TENM3: variants seen among roughly 807,000 people sequenced by gnomAD.
TENM3 encodes teneurin-3.
In TENM3, 63 loss-of-function variants were observed where a neutral mutation model predicts 255.1. That is an observed-to-expected ratio of 0.25 (90% CI 0.20 to 0.30). The LOEUF is 0.30. Ranked by LOEUF, TENM3 falls within the 10% of genes least tolerant of loss-of-function variation. The pLI is 1.00. For synonymous variants in TENM3, 1,306 were observed against 1,322.3 expected (o/e 0.99, Z 0.27); for missense variants, 2,929 against 3,461.1 (o/e 0.85, Z 3.86).
the TENM3 span, among the ~76,000 whole-genome samples, chr4:181,817,984 A>G: frequency 1.3e-5 from 2 of 152,204 alleles, no homozygotes; most frequent in Non-Finnish European, 2.9e-5. Context: ...TGGTCCTGAT[A>G]TCTGCTTTGG....
At chr4:182,113,463 C>A in the TENM3 span, among the ~76,000 whole-genome samples, 683 of 152,174 alleles carry the variant, frequency 4.5e-3, 3 homozygotes, top group Middle Eastern at 0.02. Flanking sequence ...TCCTTCTATC[C>A]TTCCTCTCTA....
chr4:181,995,593 C>T, the TENM3 span, among the ~76,000 whole-genome samples: 1 of 151,964 alleles, frequency 6.6e-6, no homozygotes, highest in South Asian at 2.1e-4. Flanking sequence ...AATGGTTGTC[C>T]TAAGCTTAAT....
At chr4:182,045,874 C>G in the TENM3 span, among the ~76,000 whole-genome samples, 2 of 151,968 alleles carry the variant, frequency 1.3e-5, no homozygotes, top group Non-Finnish European at 2.9e-5. Context: ...AGAGTGAAAC[C>G]TCATTTCTAC....
chr4:182,582,237 T>C (rs1745559502), intron 3 of TENM3, among the ~76,000 whole-genome samples: 1 of 152,168 alleles, frequency 6.6e-6, no homozygotes, highest in Non-Finnish European at 1.5e-5. Context: ...TACGAATACT[T>C]CCTCTTCATT....
chr4:182,661,395 A>T (rs950398906), intron 6 of TENM3, among the ~76,000 whole-genome samples: 2 of 152,034 alleles, frequency 1.3e-5, no homozygotes, highest in African/African-American at 4.8e-5. Context: ...AGACAACTCT[A>T]GAGAGTTCAG....
At chr4:182,100,001 A>T in the TENM3 span, among the ~76,000 whole-genome samples, 1 of 152,106 alleles carries the variant, frequency 6.6e-6, no homozygotes, top group Non-Finnish European at 1.5e-5. Context: ...AGTGGCTAAG[A>T]CGGTCAGTGT....
At chr4:182,444,932 C>T (rs551169118) in intron 3 of TENM3, among the ~76,000 whole-genome samples, 2 of 152,196 alleles carry the variant, frequency 1.3e-5, no homozygotes, top group South Asian at 2.1e-4. Flanking sequence ...CCTAGCCTCT[C>T]GAGTAGCTGG....
intron 3 of TENM3, among the ~76,000 whole-genome samples, chr4:182,441,579 C>T (rs1772492023): frequency 6.6e-6 from 1 of 152,176 alleles, no homozygotes; most frequent in Admixed American, 6.5e-5. Flanking sequence ...CTCACCACAA[C>T]CTCTGCCTCC....
At chr4:182,430,780 G>A (rs1010285076) in intron 3 of TENM3, among the ~76,000 whole-genome samples, 1 of 151,894 alleles carries the variant, frequency 6.6e-6, no homozygotes, top group Non-Finnish European at 1.5e-5. Flanking sequence ...CAGGAGCCGA[G>A]GCGGGCGGAT....
chr4:182,541,867 T>C (rs1164100999), intron 3 of TENM3, among the ~76,000 whole-genome samples: 4 of 151,800 alleles, frequency 2.6e-5, no homozygotes, highest in Admixed American at 2.6e-4. Context: ...AAGACCAGCC[T>C]GAGTAACATA....
At chr4:181,749,615 T>A in the TENM3 span, among the ~76,000 whole-genome samples, 1 of 152,174 alleles carries the variant, frequency 6.6e-6, no homozygotes, top group Non-Finnish European at 1.5e-5. Context: ...CAAAAGAAGA[T>A]TTCTTTTTAA....
chr4:181,714,809 A>G, the TENM3 span, among the ~76,000 whole-genome samples: 1 of 152,202 alleles, frequency 6.6e-6, no homozygotes, highest in African/African-American at 2.4e-5. Context: ...ATTGAGAACC[A>G]TCTATGCAAA....
At chr4:181,592,884 A>G in the TENM3 span, among the ~76,000 whole-genome samples, 1 of 152,176 alleles carries the variant, frequency 6.6e-6, no homozygotes, top group Non-Finnish European at 1.5e-5. Context: ...TTTTGCTGTT[A>G]ACACAGATGG....
At chr4:182,510,487 C>G (rs1737284257) in intron 3 of TENM3, among the ~76,000 whole-genome samples, 1 of 152,120 alleles carries the variant, frequency 6.6e-6, no homozygotes, top group Admixed American at 6.5e-5. Context: ...GGGTTAACCT[C>G]TAGAATTGAT....
At chr4:181,721,508 G>A in the TENM3 span, among the ~76,000 whole-genome samples, 1 of 116,058 alleles carries the variant, frequency 8.6e-6, no homozygotes, top group South Asian at 3.4e-4. Context: ...GCTGAGGCAG[G>A]AGAATGGCGT....
intron 3 of TENM3, among the ~76,000 whole-genome samples, chr4:182,545,772 G>C (rs1234440600): frequency 3.3e-5 from 5 of 151,968 alleles, no homozygotes; most frequent in African/African-American, 1.2e-4. Flanking sequence ...GCCCTATTTA[G>C]GTAGCCCACC....
the TENM3 span, among the ~76,000 whole-genome samples, chr4:181,763,453 A>G: frequency 6.6e-6 from 1 of 152,212 alleles, no homozygotes; most frequent in African/African-American, 2.4e-5. Context: ...ATCTGTTTTT[A>G]TATGGCCCAT....
At position 182,801,825 on chromosome 4, in the gene TENM3, T is replaced by C. The variant is rs1178935498; in HGVS notation, c.*1474T>C. 1 of 152,374 alleles carries C rather than the reference T, an allele frequency of 6.6e-6. No homozygotes were observed. The highest frequency in any genetic ancestry group is 1.9e-4 in the East Asian group (1 of 5,186). The allele number at this position is 152,374 out of a possible 1,614,324, so 9.4% of individuals were successfully genotyped here. A position where few individuals can be genotyped will look rare whatever the true frequency, so the allele number is the denominator to read the frequency against. On this transcript the variant is annotated 3_prime_UTR_variant, in exon 28 of 28. Coordinates refer to ENST00000511685, the MANE Select transcript of TENM3 (RefSeq NM_001080477.4). ...AAGTGAACTGACAGCCGCGCCCTCC[T>C]GCACACATGCATGCACGCGTGTGGG...
chr4:182,256,464 C>T (rs907644700), intron 1 of TENM3, among the ~76,000 whole-genome samples: 12 of 152,170 alleles, frequency 7.9e-5, no homozygotes, highest in African/African-American at 2.2e-4. Context: ...TTTGAGTGTA[C>T]ATTTGCTGCT....
Sources: gnomAD v4.1 joint callset for allele counts (sites outside exome capture counted in the v4.1 genomes callset) on GRCh38, gnomAD v4.1.1 for gene constraint, MANE v1.5 for transcripts, NCBI Gene and HGNC (gene_info 2026-07-23, HGNC 2026-07-21) for gene names.